Variants in ADGRA2 observed in about 807,000 individuals in gnomAD.
ADGRA2 encodes the protein G-protein coupled receptor 124.
A neutral mutation model predicts 98.7 loss-of-function variants in ADGRA2; 61 were observed. The observed-to-expected ratio is 0.62, with a 90% CI of 0.50 to 0.76. The LOEUF is 0.76. Among genes scored for constraint, ADGRA2 ranks in the 30% least tolerant of loss-of-function variants. The pLI is 0.00. For synonymous variants in ADGRA2, 858 were observed against 831.5 expected (o/e 1.03, Z -0.55); for missense variants, 1,712 against 1,860.0 (o/e 0.92, Z 1.46).
intron 10 of ADGRA2, 60 bp downstream of exon 10, chr8:37,833,897 C>A: frequency 1.2e-6 from 2 of 1,606,478 alleles, no homozygotes; most frequent in Non-Finnish European, 1.7e-6. Flanking sequence ...TTTGCTCAAG[C>A]CTCTCTCTCA....
intron 2 of ADGRA2, among the ~76,000 whole-genome samples, chr8:37,819,813 G>A (rs1015735245): frequency 2.0e-5 from 3 of 152,162 alleles, no homozygotes; most frequent in African/African-American, 7.2e-5. Context: ...TGGGATTACA[G>A]GTACGTGCCA....
At chr8:37,840,990 C>T (rs981813811) in intron 18 of ADGRA2, 96 bp from the exon 19 acceptor site, 10 of 1,311,496 alleles carry the variant, frequency 7.6e-6, no homozygotes, top group South Asian at 1.3e-5. Flanking sequence ...TCCTTGTCTC[C>T]GTACTCACCA....
intron 1 of ADGRA2, among the ~76,000 whole-genome samples, chr8:37,798,044 C>T (rs1804389997): frequency 6.6e-6 from 1 of 152,220 alleles, no homozygotes; most frequent in Admixed American, 6.5e-5. Flanking sequence ...TGCCCCCTGG[C>T]CTGCCAGCGC....
chr8:37,822,694 G>A (rs549289025), intron 2 of ADGRA2, among the ~76,000 whole-genome samples: 1 of 152,026 alleles, frequency 6.6e-6, no homozygotes, highest in East Asian at 1.9e-4. Flanking sequence ...TGCCTGTTCT[G>A]GACATTTTAT....
At chr8:37,826,023 G>A (rs1805269935) in intron 2 of ADGRA2, among the ~76,000 whole-genome samples, 1 of 152,236 alleles carries the variant, frequency 6.6e-6, no homozygotes, top group Non-Finnish European at 1.5e-5. Context: ...AGAGGGGCTG[G>A]GGCCTGGACG....
In ADGRA2 at chr8:37,843,041, GTTCAGAGGTGGC is replaced by G. The variant is rs781082792; in HGVS notation, c.*687_*698del. On this transcript the variant is annotated 3_prime_UTR_variant, in exon 19 of 19. Transcript: ENST00000412232. ...AGTGGTACTTAAACCAGACAGCAGG[GTTCAGAGGTGGC>G]ACACCGGGACAAAGCTGAGGCCCTG... 6.6e-6 allele frequency: 1 copy of G among 152,378 alleles called. No homozygotes were observed. The highest frequency in any genetic ancestry group is 2.4e-5 in the African/African-American group (1 of 41,436). The allele number at this position is 152,378 out of a possible 1,614,324, so 9.4% of individuals were successfully genotyped here.
chr8:37,844,566 G>C lies in ADGRA2; in HGVS notation c.*2211G>C, dbSNP rs769681458. ...CTGAAAGTCCCTAACTTCCTGAGGG[G>C]TACGCAAATACTGTTCTATTTCACT... On this transcript the variant is annotated 3_prime_UTR_variant, in exon 19 of 19. Coordinates refer to ENST00000412232, the MANE Select transcript of ADGRA2 (RefSeq NM_032777.10). 1 of 1,614,032 alleles carries C rather than the reference G, an allele frequency of 6.2e-7. No individual in the cohort carries two copies. Among genetic ancestry groups the C allele is most frequent in the Non-Finnish European group, 8.5e-7 (1 of 1,179,998 alleles).
intron 1 of ADGRA2, among the ~76,000 whole-genome samples, chr8:37,803,507 C>A (rs995752200): frequency 6.6e-6 from 1 of 152,200 alleles, no homozygotes. Flanking sequence ...TTCATTCCCC[C>A]AGCCCAGCCG....
rs1334642704 is a variant in ADGRA2, at chr8:37,831,821, TTG to T, written c.1097+235_1097+236del. On this transcript the variant is annotated intron_variant, in intron 8 of 18. Transcript: ENST00000412232. ...GGCTCACGCCTACAATCCCAGCACT[TTG>T]GAAGGCCAAGGCAGGCTGATCATCT... Among the ~76,000 whole-genome samples the T allele has an allele frequency of 2.0e-5, 3 of 152,214 alleles. No homozygotes were observed. The East Asian group carries it at 5.8e-4, about 29-fold the overall frequency.
intron 8 of ADGRA2, among the ~76,000 whole-genome samples, chr8:37,832,685 G>A (rs897517705): frequency 1.3e-5 from 2 of 152,152 alleles, no homozygotes; most frequent in African/African-American, 4.8e-5. Flanking sequence ...TCTCTGTTAT[G>A]CAGGGAAGCT....
chr8:37,836,097 A>ACCC (rs1554526532), intron 13 of ADGRA2, among the ~76,000 whole-genome samples: 9 of 108,742 alleles, frequency 8.3e-5, no homozygotes, highest in African/African-American at 3.3e-4. Flanking sequence ...ACACACACAC[A>ACCC]CCCCACAGGC....
intron 1 of ADGRA2, among the ~76,000 whole-genome samples, chr8:37,812,293 C>T (rs1804856997): frequency 1.3e-5 from 2 of 152,020 alleles, no homozygotes; most frequent in South Asian, 2.1e-4. Flanking sequence ...CTCTGCCCCA[C>T]GCTGGGCAGA....
At position 37,844,860 on chromosome 8, in the gene ADGRA2, A is replaced by G. The variant is rs1428263512; in HGVS notation, c.*2505A>G. ...CTGGCGGTGCTGGAGAAGGTCACCG[A>G]TGTGCTTCACCACAGACCGTTTGTC... On this transcript the variant is annotated 3_prime_UTR_variant, in exon 19 of 19. Coordinates refer to ENST00000412232, the MANE Select transcript of ADGRA2 (RefSeq NM_032777.10). The G allele has an allele frequency of 6.2e-7, 1 of 1,614,128 alleles. No individual in the cohort carries two copies. Among genetic ancestry groups the G allele is most frequent in the Admixed American group, 1.7e-5 (1 of 60,006 alleles).
intron 2 of ADGRA2, among the ~76,000 whole-genome samples, chr8:37,824,192 C>T (rs918222863): frequency 4.6e-5 from 7 of 151,964 alleles, no homozygotes; most frequent in African/African-American, 1.2e-4. Context: ...CCACCACGCC[C>T]AGCTAATTTT....
At chr8:37,808,604 A>G (rs1420513708) in intron 1 of ADGRA2, among the ~76,000 whole-genome samples, 1 of 151,092 alleles carries the variant, frequency 6.6e-6, no homozygotes, top group Non-Finnish European at 1.5e-5. Context: ...GCCTGCGTGC[A>G]TGTTCATCCC....
At chr8:37,806,993 G>A (rs1804689899) in intron 1 of ADGRA2, among the ~76,000 whole-genome samples, 1 of 152,190 alleles carries the variant, frequency 6.6e-6, no homozygotes, top group Admixed American at 6.5e-5. Flanking sequence ...TATGAGAGAA[G>A]GCAGGGTGGA....
rs1193537904 is a variant in ADGRA2 at position 37,839,057 on chromosome 8, C to T, written c.2361C>T (p.Thr787=). ...TGCTGCTGCTCTGCCTCTTCGCCACCATCATCACCTACATCCTCAACCACA... is the reference window on the plus strand; with the variant it reads ...TGCTGCTGCTCTGCCTCTTCGCCACTATCATCACCTACATCCTCAACCACA... The part of the protein sequence containing the change: ...TALLLLCLFA[T]IITYILNHSS... Residue 787 remains threonine (T), a synonymous_variant, in exon 15 of 19, where the codon ACC becomes ACT. Transcript: ENST00000412232. 1 of 1,609,590 alleles carries T rather than the reference C, an allele frequency of 6.2e-7. No individual in the cohort carries two copies. Among genetic ancestry groups the T allele is most frequent in the South Asian group, 1.1e-5 (1 of 90,236 alleles).
intron 1 of ADGRA2, among the ~76,000 whole-genome samples, chr8:37,804,663 C>T (rs1283160944): frequency 6.6e-6 from 1 of 152,234 alleles, no homozygotes; most frequent in Admixed American, 6.5e-5. Flanking sequence ...AGTCCCACTC[C>T]CAGCCCCTCT....
At chr8:37,804,100 G>GAGACAC (rs1310425865) in intron 1 of ADGRA2, among the ~76,000 whole-genome samples, 313 of 107,182 alleles carry the variant, frequency 2.9e-3, no homozygotes, top group African/African-American at 0.011. Flanking sequence ...CCCACGGTGA[G>GAGACAC]ACACACACAC....
Sources: gnomAD v4.1 joint callset for allele counts (sites outside exome capture counted in the v4.1 genomes callset) on GRCh38, gnomAD v4.1.1 for gene constraint, MANE v1.5 for transcripts, NCBI Gene and HGNC (gene_info 2026-07-23, HGNC 2026-07-21) for gene names.